BABAM2: variants seen among roughly 807,000 people sequenced by gnomAD.
BABAM2 encodes the protein BRISC and BRCA1-A complex member 2.
Under a neutral mutation model 54.7 loss-of-function variants are expected in BABAM2, and 31 were observed. The observed-to-expected ratio is 0.57, with a 90% CI of 0.43 to 0.77. The LOEUF (loss-of-function observed/expected upper bound fraction) is 0.77. Ranked by LOEUF, BABAM2 falls within the 30% of genes least tolerant of loss-of-function variation. The pLI is 0.00. For missense variants in BABAM2, 364 were observed against 455.8 expected, an observed-to-expected ratio of 0.80 and a Z score of 1.83; for synonymous variants, 167 against 162.9, an observed-to-expected ratio of 1.03 and a Z score of -0.19.
chr2:28,226,402 A>C (rs758473353), intron 7 of BABAM2, among the ~76,000 whole-genome samples: 36 of 152,080 alleles, frequency 2.4e-4, no homozygotes, highest in Non-Finnish European at 4.1e-4. Flanking sequence ...TATTCATTGG[A>C]CTTTAATACT....
intron 6 of BABAM2, among the ~76,000 whole-genome samples, chr2:28,127,527 A>C (rs539014897): frequency 6.6e-6 from 1 of 152,264 alleles, no homozygotes; most frequent in South Asian, 2.1e-4. Context: ...AGGGAATCCA[A>C]GGAGCTCTGT....
intron 4 of BABAM2, chr2:28,016,062 A>C: frequency 1.3e-6 from 1 of 745,020 alleles, no homozygotes; most frequent in East Asian, 3.3e-5. Flanking sequence ...TGGACCTTTC[A>C]GAAGATTTAT....
At chr2:28,061,488 G>A (rs1678862432) in intron 6 of BABAM2, among the ~76,000 whole-genome samples, 1 of 151,134 alleles carries the variant, frequency 6.6e-6, no homozygotes, top group South Asian at 2.1e-4. Context: ...GGGAGGCTGA[G>A]GCAGGAGAAT....
intron 10 of BABAM2, among the ~76,000 whole-genome samples, chr2:28,279,541 C>G (rs1213992134): frequency 1.3e-5 from 2 of 152,084 alleles, no homozygotes; most frequent in East Asian, 3.9e-4. Flanking sequence ...CTGACTTTCC[C>G]AAATGATGAG....
At chr2:28,022,539 G>A (rs1675348774) in intron 4 of BABAM2, among the ~76,000 whole-genome samples, 1 of 152,050 alleles carries the variant, frequency 6.6e-6, no homozygotes, top group Admixed American at 6.6e-5. Flanking sequence ...TATTTTCTTT[G>A]ACTGTGTTTT....
At chr2:28,084,963 A>G (rs1419659477) in intron 6 of BABAM2, among the ~76,000 whole-genome samples, 1 of 152,208 alleles carries the variant, frequency 6.6e-6, no homozygotes, top group Non-Finnish European at 1.5e-5. Flanking sequence ...CAACAAAATT[A>G]ACTTCTTTAT....
At chr2:27,987,882 G>C in intron 3 of BABAM2, 111 bp from the exon 4 acceptor site, 1 of 886,464 alleles carries the variant, frequency 1.1e-6, no homozygotes, top group Admixed American at 2.3e-5. Context: ...CTTTTCAAAT[G>C]GTTTTCTTAA....
At chr2:28,238,789 G>A (rs1038991345) in intron 8 of BABAM2, among the ~76,000 whole-genome samples, 2 of 152,018 alleles carry the variant, frequency 1.3e-5, no homozygotes, top group Non-Finnish European at 2.9e-5. Flanking sequence ...GAGAAGAAAA[G>A]CCTTTTTAAA....
upstream of BABAM2, among the ~76,000 whole-genome samples, chr2:27,888,732 G>C (rs961813153): frequency 6.6e-6 from 1 of 152,126 alleles, no homozygotes; most frequent in Admixed American, 6.5e-5. Flanking sequence ...ATGGCCTGCA[G>C]GATGTTCTTG....
chr2:28,063,937 G>A (rs1261752827), intron 6 of BABAM2, among the ~76,000 whole-genome samples: 3 of 152,140 alleles, frequency 2.0e-5, no homozygotes, highest in African/African-American at 7.2e-5. Flanking sequence ...TATCCTAACT[G>A]TATGAACTGT....
chr2:28,078,465 G>T lies in BABAM2; in HGVS notation c.570+32666G>T, dbSNP rs537176250. On this transcript the variant is annotated intron_variant, in intron 6 of 11. Coordinates refer to ENST00000379624, the MANE Select transcript of BABAM2 (RefSeq NM_199191.3). ...TGAAAGAAAAAAACCCTATGCTGAG[G>T]TTGCTAAGCTTTACAGTAAGAATGA... 2.1e-3 allele frequency among the ~76,000 whole-genome samples: 319 copies of T among 152,210 alleles called. 2 individuals are homozygous for T. Among genetic ancestry groups the T allele is most frequent in the Non-Finnish European group, 3.9e-3 (267 of 68,032 alleles).
upstream of BABAM2, among the ~76,000 whole-genome samples, chr2:27,889,766 C>A (rs371141172): frequency 1.2e-4 from 18 of 152,132 alleles, no homozygotes; most frequent in East Asian, 1.5e-3. Flanking sequence ...TTTTTGATTT[C>A]TGCTCAACTC....
chr2:28,187,980 T>C (rs1432937036), intron 7 of BABAM2, among the ~76,000 whole-genome samples: 3 of 152,184 alleles, frequency 2.0e-5, no homozygotes, highest in African/African-American at 7.2e-5. Flanking sequence ...GAATTATTTT[T>C]TAAAGATGCT....
At chr2:27,889,093 C>A (rs1334009734), upstream of BABAM2, among the ~76,000 whole-genome samples, 1 of 152,244 alleles carries the variant, frequency 6.6e-6, no homozygotes, top group Non-Finnish European at 1.5e-5. Context: ...TTTCGTCAGT[C>A]ACTATAACTG....
At chr2:28,114,992 C>G (rs1668486046) in intron 6 of BABAM2, among the ~76,000 whole-genome samples, 1 of 152,144 alleles carries the variant, frequency 6.6e-6, no homozygotes, top group African/African-American at 2.4e-5. Context: ...CACATTCATA[C>G]ATTTGTTTTT....
At chr2:28,159,258 A>G (rs1338947596) in intron 7 of BABAM2, among the ~76,000 whole-genome samples, 1 of 152,190 alleles carries the variant, frequency 6.6e-6, no homozygotes, top group Non-Finnish European at 1.5e-5. Context: ...GATGTCCGAC[A>G]CTCAAGAAGA....
At chr2:28,079,930 T>C (rs1665018643) in intron 6 of BABAM2, among the ~76,000 whole-genome samples, 1 of 152,148 alleles carries the variant, frequency 6.6e-6, no homozygotes. Context: ...TAAAAATATG[T>C]TACCTAAAAA....
intron 4 of BABAM2, among the ~76,000 whole-genome samples, chr2:27,997,942 C>T (rs569618777): frequency 1.7e-4 from 26 of 152,228 alleles, no homozygotes; most frequent in Non-Finnish European, 3.7e-4. Flanking sequence ...ATCATGAGGT[C>T]AGGAGTTTGA....
intron 2 of BABAM2, among the ~76,000 whole-genome samples, chr2:27,921,931 GTTTT>G (rs1415818898): frequency 6.6e-6 from 1 of 152,054 alleles, no homozygotes; most frequent in Non-Finnish European, 1.5e-5. Context: ...TCTTGTTGTT[GTTTT>G]TAATCATGAA....
Sources: gnomAD v4.1 joint callset for allele counts (sites outside exome capture counted in the v4.1 genomes callset) on GRCh38, gnomAD v4.1.1 for gene constraint, MANE v1.5 for transcripts, NCBI Gene and HGNC (gene_info 2026-07-23, HGNC 2026-07-21) for gene names.